The following RBFOX1 variants were observed in gnomAD, a reference collection of about 807,000 sequenced individuals.
The protein encoded by RBFOX1 is RNA binding fox-1 homolog 1.
RBFOX1 carries 8 observed loss-of-function variants against 57.7 expected under a neutral mutation model. The observed-to-expected ratio is 0.14, with a 90% CI of 0.08 to 0.25. The LOEUF is 0.25. RBFOX1 is among the 10% of genes least tolerant of loss of function. RBFOX1 has a pLI of 1.00. For missense variants in RBFOX1, 611 were observed against 548.5 expected, an observed-to-expected ratio of 1.11 and a Z score of -1.14; for synonymous variants, 326 against 222.4, an observed-to-expected ratio of 1.47 and a Z score of -4.15.
At chr16:6,383,330 A>G (rs1354203954) in intron 2 of RBFOX1, among the ~76,000 whole-genome samples, 4 of 152,230 alleles carry the variant, frequency 2.6e-5, no homozygotes, top group Admixed American at 2.0e-4. Context: ...AAACCTATGC[A>G]GGATGCCATG....
At chr16:7,123,756 C>T (rs1359005018) in intron 4 of RBFOX1, among the ~76,000 whole-genome samples, 1 of 152,064 alleles carries the variant, frequency 6.6e-6, no homozygotes, top group Non-Finnish European at 1.5e-5. Context: ...TATGATGATA[C>T]TTTACAGCTA....
intron 4 of RBFOX1, among the ~76,000 whole-genome samples, chr16:7,431,866 C>G (rs1423633860): frequency 6.6e-6 from 1 of 152,188 alleles, no homozygotes; most frequent in Non-Finnish European, 1.5e-5. Flanking sequence ...AATTAGCTCC[C>G]CATTAGAAAG....
chr16:6,671,502 T>C (rs576689891), intron 3 of RBFOX1, among the ~76,000 whole-genome samples: 1 of 152,204 alleles, frequency 6.6e-6, no homozygotes, highest in African/African-American at 2.4e-5. Context: ...GGAAGTCTGT[T>C]GGGATGCATC....
intron 2 of RBFOX1, among the ~76,000 whole-genome samples, chr16:6,608,648 C>T (rs1449799098): frequency 6.6e-6 from 1 of 152,156 alleles, no homozygotes; most frequent in Admixed American, 6.5e-5. Flanking sequence ...GTCATGGCGG[C>T]ACATGCCTGT....
At chr16:5,681,032 C>G (rs9933816) in intron 3 of RBFOX1, among the ~76,000 whole-genome samples, 40,143 of 151,670 alleles carry the variant, frequency 0.26, 5,985 homozygotes, top group East Asian at 0.57. Context: ...TAGGGAGAAT[C>G]TCTTAGATAA....
At chr16:5,768,319 C>G (rs1457986334) in intron 3 of RBFOX1, among the ~76,000 whole-genome samples, 1 of 152,222 alleles carries the variant, frequency 6.6e-6, no homozygotes, top group Non-Finnish European at 1.5e-5. Flanking sequence ...GCTAAGATAA[C>G]TGAGCTTCTG....
intron 1 of RBFOX1, among the ~76,000 whole-genome samples, chr16:5,378,488 G>A (rs1425699771): frequency 1.3e-5 from 2 of 151,538 alleles, no homozygotes; most frequent in African/African-American, 4.9e-5. Context: ...CTAGCAAGGA[G>A]CTTAAGCGTC....
intron 3 of RBFOX1, among the ~76,000 whole-genome samples, chr16:6,855,152 G>T (rs1234565025): frequency 6.6e-6 from 1 of 152,096 alleles, no homozygotes; most frequent in Non-Finnish European, 1.5e-5. Context: ...CCGTGAGTGT[G>T]TAGCTATACG....
chr16:7,086,266 C>T (rs1325008436), intron 4 of RBFOX1, among the ~76,000 whole-genome samples: 1 of 152,140 alleles, frequency 6.6e-6, no homozygotes, highest in Non-Finnish European at 1.5e-5. Flanking sequence ...TTTAAATCAA[C>T]AAGGGGCTCG....
At chr16:7,095,944 C>T (rs976565245) in intron 4 of RBFOX1, among the ~76,000 whole-genome samples, 153 of 143,904 alleles carry the variant, frequency 1.1e-3, no homozygotes, top group African/African-American at 3.6e-3. Flanking sequence ...ACCCAGGAGG[C>T]GGAGCTTGCA....
intron 2 of RBFOX1, among the ~76,000 whole-genome samples, chr16:5,540,699 G>A (rs746381433): frequency 2.0e-5 from 3 of 152,180 alleles, no homozygotes; most frequent in Non-Finnish European, 2.9e-5. Context: ...CTGACATCAC[G>A]GACTCTGACT....
chr16:5,492,053 C>G (rs2042852008), intron 2 of RBFOX1, among the ~76,000 whole-genome samples: 1 of 152,140 alleles, frequency 6.6e-6, no homozygotes, highest in Non-Finnish European at 1.5e-5. Context: ...TGCCTGGGAG[C>G]TTGTTGGAAC....
chr16:5,669,422 C>T (rs796459402), intron 3 of RBFOX1, among the ~76,000 whole-genome samples: 9 of 118,506 alleles, frequency 7.6e-5, no homozygotes, highest in Admixed American at 1.9e-4. Flanking sequence ...AACAAGTTGG[C>T]TTTTTTTTTT....
chr16:6,770,259 C>T (rs1440673562), intron 3 of RBFOX1, among the ~76,000 whole-genome samples: 1 of 152,200 alleles, frequency 6.6e-6, no homozygotes, highest in Non-Finnish European at 1.5e-5. Context: ...CACATCTCCA[C>T]AGGCTCCTCA....
At chr16:6,911,624 C>T (rs1417146195) in intron 3 of RBFOX1, among the ~76,000 whole-genome samples, 2 of 152,184 alleles carry the variant, frequency 1.3e-5, no homozygotes, top group Non-Finnish European at 2.9e-5. Flanking sequence ...TCACGTCTCA[C>T]AGATCCTAAG....
In RBFOX1 at chr16:7,166,633, C is replaced by A. The variant is rs970925603; in HGVS notation, c.27+114535C>A. On this transcript the variant is annotated intron_variant, in intron 4 of 15. Coordinates refer to ENST00000550418, the MANE Select transcript of RBFOX1 (RefSeq NM_018723.4). ...GTCATGGACTGGCCCTCCTTCGACACCCCTGAGCAGTCTGGTGAGGAAGGG... is the reference window on the plus strand; with the variant it reads ...GTCATGGACTGGCCCTCCTTCGACAACCCTGAGCAGTCTGGTGAGGAAGGG... Among the ~76,000 whole-genome samples the A allele has an allele frequency of 2.6e-5, 4 of 152,144 alleles. No individual in the cohort carries two copies. In the East Asian group the frequency reaches 7.7e-4, roughly 29 times the overall value.
chr16:5,281,848 T>C (rs1423927441), intron 1 of RBFOX1, among the ~76,000 whole-genome samples: 12 of 152,266 alleles, frequency 7.9e-5, no homozygotes, highest in African/African-American at 2.9e-4. Context: ...GTAGATGTTG[T>C]TGGATCATTT....
chr16:6,251,927 T>A (rs1175171911), intron 1 of RBFOX1, among the ~76,000 whole-genome samples: 1 of 152,056 alleles, frequency 6.6e-6, no homozygotes, highest in African/African-American at 2.4e-5. Context: ...CTAAATTCTG[T>A]CTCCTGGTTC....
intron 1 of RBFOX1, among the ~76,000 whole-genome samples, chr16:5,413,416 T>G (rs1010711521): frequency 6.6e-6 from 1 of 152,170 alleles, no homozygotes. Flanking sequence ...TACATATCCG[T>G]GGTATCCATG....
Sources: gnomAD v4.1 joint callset for allele counts (sites outside exome capture counted in the v4.1 genomes callset) on GRCh38, gnomAD v4.1.1 for gene constraint, MANE v1.5 for transcripts, NCBI Gene and HGNC (gene_info 2026-07-23, HGNC 2026-07-21) for gene names.